The following ATG5 variants were observed in gnomAD, a reference collection of about 807,000 sequenced individuals.
ATG5 encodes the protein autophagy related 5, also known as autophagy protein 5.
A neutral mutation model predicts 36.5 loss-of-function variants in ATG5; 14 were observed. That is an observed-to-expected ratio of 0.38 (90% CI 0.25 to 0.60). The LOEUF (loss-of-function observed/expected upper bound fraction) is 0.60. ATG5 is among the 20% of genes least tolerant of loss of function. The probability of loss-of-function intolerance (pLI) is 0.60; values close to 1 mark genes in which losing one functional copy is unlikely to be tolerated. For missense variants in ATG5, 195 were observed against 326.7 expected, an observed-to-expected ratio of 0.60 and a Z score of 3.11; for synonymous variants, 95 against 101.5, an observed-to-expected ratio of 0.94 and a Z score of 0.38.
chr6:106,195,829 A>C (rs1452899418), intron 7 of ATG5, among the ~76,000 whole-genome samples: 1 of 151,664 alleles, frequency 6.6e-6, no homozygotes, highest in Non-Finnish European at 1.5e-5. Flanking sequence ...AAAAAAAAAA[A>C]AAACCACAAG....
Position 106,246,371 on chromosome 6 carries a change from GTCTCTCTC to G in ATG5, c.573+1771_573+1778del, listed in dbSNP as rs761408773. On this transcript the variant is annotated intron_variant, in intron 6 of 7. Transcript: ENST00000369076. ...TAAAAACCATTCTCTCTCTGTCTCT[GTCTCTCTC>G]TCTCTCTCTCTCTCACACACACACA... Among the ~76,000 whole-genome samples the G allele has an allele frequency of 1.7e-3, 217 of 124,698 alleles. 1 individual carries two copies. The highest frequency in any genetic ancestry group is 5.7e-3 in the African/African-American group (201 of 35,012). The allele number at this position is 124,698 out of a possible 152,430, so 81.8% of individuals were successfully genotyped here.
At chr6:106,231,516 A>T (rs1777689874) in intron 6 of ATG5, among the ~76,000 whole-genome samples, 2 of 152,216 alleles carry the variant, frequency 1.3e-5, no homozygotes, top group South Asian at 4.1e-4. Context: ...GCGTGCTAGA[A>T]GGACTAAGGA....
intron 6 of ATG5, among the ~76,000 whole-genome samples, chr6:106,239,713 A>G (rs974780053): frequency 6.6e-6 from 1 of 152,248 alleles, no homozygotes; most frequent in Admixed American, 6.5e-5. Context: ...GGAAAAGGAC[A>G]GTAAGAAGTG....
chr6:106,226,665 G>C (rs531143743), intron 6 of ATG5, among the ~76,000 whole-genome samples: 1 of 152,270 alleles, frequency 6.6e-6, no homozygotes, highest in African/African-American at 2.4e-5. Flanking sequence ...CAGAATCATA[G>C]AGTATATTCT....
chr6:106,306,553 C>G (rs975125409), intron 3 of ATG5, among the ~76,000 whole-genome samples: 5 of 152,156 alleles, frequency 3.3e-5, no homozygotes, highest in Non-Finnish European at 5.9e-5. Flanking sequence ...CCCACCACAA[C>G]AAAGAATTAT....
chr6:106,243,156 A>C (rs1197069398), intron 6 of ATG5, among the ~76,000 whole-genome samples: 1 of 152,240 alleles, frequency 6.6e-6, no homozygotes, highest in African/African-American at 2.4e-5. Flanking sequence ...TAGAAGTTAA[A>C]TAGATTTGCT....
In ATG5 at chr6:106,253,459, T is replaced by C. The variant is rs556509674; in HGVS notation, c.479-5215A>G. 2.6e-5 allele frequency among the ~76,000 whole-genome samples: 4 copies of C among 152,322 alleles called. No homozygotes were observed. The South Asian group carries it at 6.2e-4, about 24-fold the overall frequency. On this transcript the variant is annotated intron_variant, in intron 5 of 7. Coordinates refer to ENST00000369076, the MANE Select transcript of ATG5 (RefSeq NM_004849.4). The stretch of plus-strand genomic sequence containing the variant: ...CAATAAAATCCAAATTCCTGGACAA[T>C]TGTGACCTGGACAGTAACTGTCTGA...
At chr6:106,238,878 G>T (rs1777998890) in intron 6 of ATG5, among the ~76,000 whole-genome samples, 1 of 152,062 alleles carries the variant, frequency 6.6e-6, no homozygotes, top group African/African-American at 2.4e-5. Flanking sequence ...TCAACGTTAT[G>T]GAATGAAAAC....
intron 2 of ATG5, among the ~76,000 whole-genome samples, chr6:106,314,450 G>T (rs1211015884): frequency 6.6e-6 from 1 of 152,146 alleles, no homozygotes. Flanking sequence ...CTAGTTACTT[G>T]GGAAGCTGAG....
At chr6:106,208,568 A>T (rs1043408825) in intron 6 of ATG5, among the ~76,000 whole-genome samples, 1 of 152,124 alleles carries the variant, frequency 6.6e-6, no homozygotes, top group Admixed American at 6.5e-5. Flanking sequence ...GAAAAAAAAA[A>T]GGGCAAAGTC....
Position 106,293,067 on chromosome 6 carries a change from T to C in ATG5, c.276A>G (p.Ser92=). ...TGATGTTCCAAGGAAGAGCTGAACT[T>C]GATGCAAGAAGATCAAATAGCAAAC... ...PIGLLFDLLA[S]SSALPWNITV... is the part of the protein sequence containing the mutation. Residue 92 remains serine, a synonymous_variant, in exon 4 of 8, where the codon TCA becomes TCG. Coordinates refer to ENST00000369076, the MANE Select transcript of ATG5 (RefSeq NM_004849.4). 1 of 1,613,694 alleles carries C rather than the reference T, an allele frequency of 6.2e-7. No homozygotes were observed. Among genetic ancestry groups the C allele is most frequent in the South Asian group, 1.1e-5 (1 of 91,026 alleles).
At chr6:106,257,316 C>CATA (rs1271495705) in intron 5 of ATG5, among the ~76,000 whole-genome samples, 1 of 152,154 alleles carries the variant, frequency 6.6e-6, no homozygotes. Flanking sequence ...TAAATAGTAA[C>CATA]ATAGTCGTTT....
intron 5 of ATG5, among the ~76,000 whole-genome samples, chr6:106,258,787 T>C (rs890387774): frequency 6.6e-6 from 1 of 152,224 alleles, no homozygotes; most frequent in African/African-American, 2.4e-5. Flanking sequence ...ATGAATGGCA[T>C]GTTCATATTA....
At chr6:106,213,925 C>T (rs1776945569) in intron 6 of ATG5, among the ~76,000 whole-genome samples, 1 of 152,104 alleles carries the variant, frequency 6.6e-6, no homozygotes, top group African/African-American at 2.4e-5. Context: ...AGAAAGGTAA[C>T]AGTATTTAGT....
intron 3 of ATG5, among the ~76,000 whole-genome samples, chr6:106,307,536 T>C (rs903616837): frequency 1.7e-4 from 6 of 34,958 alleles, no homozygotes; most frequent in South Asian, 7.8e-4. Flanking sequence ...TTCAATACCC[T>C]TTTTTTTTTT....
chr6:106,228,524 T>C (rs1582578174), intron 6 of ATG5, among the ~76,000 whole-genome samples: 1 of 152,164 alleles, frequency 6.6e-6, no homozygotes, highest in East Asian at 1.9e-4. Flanking sequence ...AAGATTCCAT[T>C]TATTGGAATC....
intron 7 of ATG5, among the ~76,000 whole-genome samples, chr6:106,190,263 C>T (rs1454448688): frequency 3.9e-5 from 6 of 152,106 alleles, no homozygotes; most frequent in Non-Finnish European, 5.9e-5. Flanking sequence ...AGTGCTGGCA[C>T]CTGGTATGAG....
At chr6:106,264,022 A>G (rs1333116784) in intron 5 of ATG5, among the ~76,000 whole-genome samples, 2 of 152,220 alleles carry the variant, frequency 1.3e-5, no homozygotes, top group Non-Finnish European at 2.9e-5. Flanking sequence ...AAGGCTTCAG[A>G]AGGTGGGTAA....
chr6:106,276,774 A>C (rs183580614), intron 5 of ATG5, among the ~76,000 whole-genome samples: 203 of 152,316 alleles, frequency 1.3e-3, no homozygotes, highest in Non-Finnish European at 2.0e-3. Context: ...CACGATCCTC[A>C]TCTTTTTCTA....
Sources: gnomAD v4.1 joint callset for allele counts (sites outside exome capture counted in the v4.1 genomes callset) on GRCh38, gnomAD v4.1.1 for gene constraint, MANE v1.5 for transcripts, NCBI Gene and HGNC (gene_info 2026-07-23, HGNC 2026-07-21) for gene names.